The following SLC25A21 variants were observed in gnomAD, a reference collection of about 807,000 sequenced individuals.
SLC25A21 encodes solute carrier family 25 member 21.
A neutral mutation model predicts 43.8 loss-of-function variants in SLC25A21; 47 were observed. That is an observed-to-expected ratio of 1.07 (90% confidence interval 0.85 to 1.37). The LOEUF (loss-of-function observed/expected upper bound fraction) is 1.37. SLC25A21 is among the 40% of genes most tolerant of loss of function. The pLI, the probability that SLC25A21 is intolerant of heterozygous loss-of-function variation, is 0.00. For missense variants in SLC25A21, 352 were observed against 350.2 expected (o/e 1.00, Z -0.04); for synonymous variants, 131 against 121.3 (o/e 1.08, Z -0.52).
intron 2 of SLC25A21, among the ~76,000 whole-genome samples, chr14:36,821,817 A>AAAAAC (rs528829909): frequency 0.012 from 1,901 of 152,292 alleles, 37 homozygotes; most frequent in African/African-American, 0.043. Context: ...ATTCTGTCTC[A>AAAAAC]AAAACAAAAC....
chr14:36,719,594 G>A (rs1884293547), intron 6 of SLC25A21, among the ~76,000 whole-genome samples: 1 of 152,150 alleles, frequency 6.6e-6, no homozygotes, highest in Non-Finnish European at 1.5e-5. Context: ...TTAAGACACT[G>A]GCCAAGACAC....
At chr14:37,084,350 T>G (rs11851974) in intron 1 of SLC25A21, among the ~76,000 whole-genome samples, 6,038 of 152,286 alleles carry the variant, frequency 0.04, 400 homozygotes, top group African/African-American at 0.14. Context: ...TGGTACCTGA[T>G]GATGAACTGG....
At chr14:36,908,347 A>G (rs1400535874) in intron 1 of SLC25A21, among the ~76,000 whole-genome samples, 2 of 152,210 alleles carry the variant, frequency 1.3e-5, no homozygotes, top group African/African-American at 4.8e-5. Context: ...TGCTGTGAAG[A>G]TAAAACTTCC....
At chr14:37,169,580 AACAC>A (rs1321339179) in intron 1 of SLC25A21, among the ~76,000 whole-genome samples, 7 of 145,188 alleles carry the variant, frequency 4.8e-5, no homozygotes, top group African/African-American at 7.5e-5. Flanking sequence ...AAAAGGTCAT[AACAC>A]ACACACACAC....
intron 1 of SLC25A21, among the ~76,000 whole-genome samples, chr14:37,148,685 T>A (rs1320453726): frequency 6.6e-6 from 1 of 152,214 alleles, no homozygotes; most frequent in African/African-American, 2.4e-5. Flanking sequence ...GCAGCTACTA[T>A]ATTCAAAGCA....
intron 2 of SLC25A21, among the ~76,000 whole-genome samples, chr14:36,869,324 T>C (rs539321433): frequency 6.6e-6 from 1 of 152,176 alleles, no homozygotes; most frequent in South Asian, 2.1e-4. Context: ...AAAAGAATAA[T>C]AATTATCAAT....
rs143984278 is a variant in SLC25A21, at chr14:36,888,963, C to T, written c.71-13959G>A. On this transcript the variant is annotated intron_variant, in intron 1 of 9. Coordinates refer to ENST00000331299, the MANE Select transcript of SLC25A21 (RefSeq NM_030631.4). ...TTTAATATGTAGCCAAAATTGCTTG[C>T]GTTTAATTAATCACGCTGCTACAAT... Among the ~76,000 whole-genome samples the T allele has an allele frequency of 2.6e-3, 400 of 152,318 alleles. 1 individual carries two copies. Among genetic ancestry groups the T allele is most frequent in the African/African-American group, 8.8e-3 (364 of 41,574 alleles).
chr14:37,172,328 C>G lies in SLC25A21; in HGVS notation c.23G>C (p.Ser8Thr). The G allele has an allele frequency of 6.2e-7, 1 of 1,603,244 alleles. No homozygotes were observed. Among genetic ancestry groups the G allele is most frequent in the Non-Finnish European group, 8.5e-7 (1 of 1,175,086 alleles). The change falls in exon 1 of 10, where the codon AGC becomes ACC. Residue 8 changes from serine to threonine, a missense_variant. Transcript: ENST00000331299. ...CTGCCGAGAAGCCTCGCGCACTAAG[C>G]TGACTTCAGGCTTGGCGGACATCTT... Reference protein sequence around the residue: MSAKPEVSLVREASRQIV... With the variant: MSAKPEVTLVREASRQIV...
At chr14:37,021,353 C>T (rs148422449) in intron 1 of SLC25A21, among the ~76,000 whole-genome samples, 1 of 152,014 alleles carries the variant, frequency 6.6e-6, no homozygotes, top group Non-Finnish European at 1.5e-5. Flanking sequence ...ACAACAAATA[C>T]AGCACACTTA....
chr14:36,904,730 C>G (rs1462874660), intron 1 of SLC25A21, among the ~76,000 whole-genome samples: 1 of 152,254 alleles, frequency 6.6e-6, no homozygotes, highest in Non-Finnish European at 1.5e-5. Flanking sequence ...CTGTCAAACA[C>G]TTATAAACCC....
chr14:37,092,512 T>C (rs1962608108), intron 1 of SLC25A21, among the ~76,000 whole-genome samples: 1 of 152,162 alleles, frequency 6.6e-6, no homozygotes. Flanking sequence ...ATTATTGGCT[T>C]TTAAGCCAAT....
intron 1 of SLC25A21, among the ~76,000 whole-genome samples, chr14:36,920,604 A>T (rs1211484248): frequency 1.3e-5 from 2 of 152,058 alleles, no homozygotes; most frequent in Non-Finnish European, 2.9e-5. Flanking sequence ...AGGCAAGACA[A>T]AAGTATTTTG....
At chr14:36,737,249 G>A (rs1417830542) in intron 3 of SLC25A21, among the ~76,000 whole-genome samples, 1 of 152,180 alleles carries the variant, frequency 6.6e-6, no homozygotes, top group African/African-American at 2.4e-5. Context: ...GTACACAGAA[G>A]GTCTTCATTT....
chr14:36,926,781 C>A (rs545769565), intron 1 of SLC25A21, among the ~76,000 whole-genome samples: 168 of 152,254 alleles, frequency 1.1e-3, no homozygotes, highest in Non-Finnish European at 2.0e-3. Context: ...CTACTCTTGC[C>A]ACCAAAACAA....
At chr14:37,154,877 G>C (rs1314602677) in intron 1 of SLC25A21, among the ~76,000 whole-genome samples, 1 of 151,944 alleles carries the variant, frequency 6.6e-6, no homozygotes, top group Non-Finnish European at 1.5e-5. Context: ...CCCAACCTCA[G>C]GTGATCTACC....
intron 6 of SLC25A21, among the ~76,000 whole-genome samples, chr14:36,714,702 G>A (rs543436870): frequency 3.3e-5 from 5 of 152,218 alleles, no homozygotes; most frequent in Non-Finnish European, 5.9e-5. Flanking sequence ...ATTATCATAC[G>A]TGCTCAGTAC....
At chr14:36,954,754 T>C (rs1468297552) in intron 1 of SLC25A21, among the ~76,000 whole-genome samples, 1 of 152,150 alleles carries the variant, frequency 6.6e-6, no homozygotes, top group Non-Finnish European at 1.5e-5. Context: ...CATTCCATTA[T>C]TTTCTGATTC....
At position 37,165,221 on chromosome 14, in the gene SLC25A21, A is replaced by G. The variant is rs1964011690; in HGVS notation, c.70+7060T>C. 2.0e-5 allele frequency among the ~76,000 whole-genome samples: 3 copies of G among 152,302 alleles called. No homozygotes were observed. The South Asian group carries it at 6.2e-4, about 32-fold the overall frequency. ...GCGAAACCTCATCTCTACTAAAAAT[A>G]CAAAAATTAGCCAGGCATGGTGGTG... On this transcript the variant is annotated intron_variant, in intron 1 of 9. Transcript: ENST00000331299.
intron 2 of SLC25A21, among the ~76,000 whole-genome samples, chr14:36,844,445 A>C (rs546386042): frequency 6.6e-6 from 1 of 152,302 alleles, no homozygotes; most frequent in East Asian, 1.9e-4. Context: ...AATCCAGCAA[A>C]CCAGGTCACA....
Sources: allele counts gnomAD v4.1 joint callset (sites outside exome capture counted in the v4.1 genomes callset), GRCh38; gene constraint gnomAD v4.1.1; transcripts MANE v1.5; gene names NCBI Gene and HGNC (gene_info 2026-07-23, HGNC 2026-07-21).